CCNY: variants seen among roughly 807,000 people sequenced by gnomAD.
CCNY encodes cyclin Y.
A neutral mutation model predicts 42.8 loss-of-function variants in CCNY; 19 were observed. That is an observed-to-expected ratio of 0.44 (90% CI 0.31 to 0.65). CCNY has a LOEUF of 0.65. Ranked by LOEUF, CCNY falls within the 30% of genes least tolerant of loss-of-function variation. CCNY has a pLI of 0.07. For synonymous variants in CCNY, 165 were observed against 162.7 expected, an observed-to-expected ratio of 1.01 and a Z score of -0.11; for missense variants, 370 against 437.3, an observed-to-expected ratio of 0.85 and a Z score of 1.37.
rs1234040885 is a variant in CCNY, at chr10:35,336,546, C to T, written c.-508C>T. 3.4e-5 allele frequency: 5 copies of T among 148,792 alleles called. No homozygotes were observed. The highest frequency in any genetic ancestry group is 1.3e-4 in the Admixed American group (2 of 15,004). The allele number at this position is 148,792 out of a possible 1,614,324, so 9.2% of individuals were successfully genotyped here. A position where few individuals can be genotyped will look rare whatever the true frequency, so the allele number is the denominator to read the frequency against. ...CGCGCCGCACCGCGCCGCGAGGAGT[C>T]CGGGGGCTGCGCCCACGCCCGCTGC... On this transcript the variant is annotated 5_prime_UTR_variant, in exon 1 of 10. Transcript: ENST00000374704.
At chr10:35,316,892 C>T (rs894767390) in intron 3 of CCNY, among the ~76,000 whole-genome samples, 2 of 152,100 alleles carry the variant, frequency 1.3e-5, no homozygotes, top group Non-Finnish European at 1.5e-5. Context: ...GTTGCCCAGG[C>T]TGGAGTGCAG....
At chr10:35,467,911 T>G (rs1231568591) in intron 1 of CCNY, among the ~76,000 whole-genome samples, 2 of 152,254 alleles carry the variant, frequency 1.3e-5, no homozygotes, top group Non-Finnish European at 2.9e-5. Context: ...TGCTCCATTC[T>G]AAGTGATTTC....
At chr10:35,372,787 C>A (rs1836966172) in intron 1 of CCNY, among the ~76,000 whole-genome samples, 1 of 152,222 alleles carries the variant, frequency 6.6e-6, no homozygotes, top group Admixed American at 6.5e-5. Flanking sequence ...GCAACCTCCA[C>A]CTCCTGGGTT....
Position 35,293,530 on chromosome 10 carries a change from C to T in CCNY, c.-9+42904C>T, listed in dbSNP as rs367837202. Among the ~76,000 whole-genome samples, 52 of 152,282 alleles carry T rather than the reference C, an allele frequency of 3.4e-4. 1 individual carries two copies. The highest frequency in any genetic ancestry group is 1.3e-3 in the African/African-American group (52 of 41,562). On this transcript the variant is annotated intron_variant, in intron 3 of 11. Coordinates refer to the CCNY transcript ENST00000374706. ...AGCTGGAATTTTGGTAATGAATGCA[C>T]TGAATCTGTAGGTCAACTTGGGGGT...
At chr10:35,437,204 G>A (rs764008344) in intron 1 of CCNY, among the ~76,000 whole-genome samples, 2 of 152,200 alleles carry the variant, frequency 1.3e-5, no homozygotes, top group Non-Finnish European at 2.9e-5. Context: ...GGGACACAGA[G>A]CCAAATCATA....
intron 1 of CCNY, among the ~76,000 whole-genome samples, chr10:35,397,927 T>C (rs758387767): frequency 5.9e-5 from 9 of 152,138 alleles, no homozygotes; most frequent in Non-Finnish European, 1.2e-4. Context: ...TGGTGCAATA[T>C]AGGCAGGACT....
At chr10:35,255,962 T>C (rs890220740) in intron 3 of CCNY, among the ~76,000 whole-genome samples, 6 of 152,222 alleles carry the variant, frequency 3.9e-5, no homozygotes, top group South Asian at 2.1e-4. Flanking sequence ...TCTTTGTCAA[T>C]TGTAACTTTA....
At chr10:35,258,891 G>A (rs1681062621) in intron 3 of CCNY, among the ~76,000 whole-genome samples, 1 of 149,962 alleles carries the variant, frequency 6.7e-6, no homozygotes, top group Non-Finnish European at 1.5e-5. Flanking sequence ...AGCCGAGATC[G>A]AGCCACTGCA....
chr10:35,428,265 C>T (rs904396380), intron 1 of CCNY, among the ~76,000 whole-genome samples: 13 of 152,150 alleles, frequency 8.5e-5, no homozygotes, highest in African/African-American at 2.7e-4. Flanking sequence ...TTGCCTAAAA[C>T]AGAGAGAACC....
chr10:35,392,757 G>A (rs139480278), intron 1 of CCNY, among the ~76,000 whole-genome samples: 1 of 152,320 alleles, frequency 6.6e-6, no homozygotes, highest in African/African-American at 2.4e-5. Flanking sequence ...ATGACCAGGT[G>A]ACAGGACTGG....
At chr10:35,450,310 G>T (rs1018082645) in intron 1 of CCNY, among the ~76,000 whole-genome samples, 1 of 152,112 alleles carries the variant, frequency 6.6e-6, no homozygotes, top group Non-Finnish European at 1.5e-5. Flanking sequence ...CTTACAGGGA[G>T]AGGGTGGAGG....
chr10:35,372,018 G>C (rs2474525), intron 1 of CCNY, among the ~76,000 whole-genome samples: 4,785 of 152,312 alleles, frequency 0.031, 90 homozygotes, highest in African/African-American at 0.039. Context: ...AACAAGGGCA[G>C]ACCACTCCTG....
Position 35,530,346 on chromosome 10 carries a change from G to T in CCNY, c.579+103G>T. ...GGTTGGAGCAGGGAATCCTCACCAG[G>T]TTACCCTGTGGACACCGTGGCATAA... On this transcript the variant is annotated intron_variant, in intron 7 of 9. Transcript: ENST00000374704. The surrounding 1 kb of genome is among the most constrained non-coding windows in gnomAD (Gnocchi z 4.3). The T allele has an allele frequency of 2.8e-6, 4 of 1,436,106 alleles. No homozygotes were observed. The highest frequency in any genetic ancestry group is 2.4e-5 in the South Asian group (2 of 83,506). The allele number at this position is 1,436,106 out of a possible 1,614,324, so 89.0% of individuals were successfully genotyped here.
At chr10:35,448,372 C>A (rs766095598) in intron 1 of CCNY, among the ~76,000 whole-genome samples, 1 of 152,116 alleles carries the variant, frequency 6.6e-6, no homozygotes, top group Admixed American at 6.5e-5. Flanking sequence ...AGTTGGAATG[C>A]GAATTCCCAT....
chr10:35,320,148 A>C (rs1004784268), intron 3 of CCNY, among the ~76,000 whole-genome samples: 1 of 152,186 alleles, frequency 6.6e-6, no homozygotes, highest in African/African-American at 2.4e-5. Flanking sequence ...GTCTGAGCCC[A>C]GACAATGACA....
rs1484815203 is a variant in CCNY at position 35,422,041 on chromosome 10, G to A, written c.155-61363G>A. Among the ~76,000 whole-genome samples, 3 of 152,096 alleles carry A rather than the reference G, an allele frequency of 2.0e-5. No individual in the cohort carries two copies. In the East Asian group the frequency reaches 5.8e-4, roughly 29 times the overall value. Reference sequence around the variant, plus strand: ...GTCAGGGTTGAAGTCAGAAAAGCTGGCTCCTGAGCCTGCACTCTTAAATGC... The same window carrying A: ...GTCAGGGTTGAAGTCAGAAAAGCTGACTCCTGAGCCTGCACTCTTAAATGC... On this transcript the variant is annotated intron_variant, in intron 1 of 9. Coordinates refer to ENST00000374704, the MANE Select transcript of CCNY (RefSeq NM_145012.6).
intron 1 of CCNY, among the ~76,000 whole-genome samples, chr10:35,478,840 G>A (rs959380369): frequency 6.6e-6 from 1 of 152,168 alleles, no homozygotes; most frequent in Admixed American, 6.5e-5. Flanking sequence ...ACTACCATCA[G>A]AGTGAACAGG....
At chr10:35,331,891 A>T (rs1293178103), upstream of CCNY, among the ~76,000 whole-genome samples, 2 of 152,140 alleles carry the variant, frequency 1.3e-5, no homozygotes, top group African/African-American at 4.8e-5. Flanking sequence ...TCATTGCTGG[A>T]AACTTGTTCT....
intron 1 of CCNY, among the ~76,000 whole-genome samples, chr10:35,426,111 G>GCA (rs1055933724): frequency 0.012 from 1,004 of 80,424 alleles, 14 homozygotes; most frequent in African/African-American, 0.041. Flanking sequence ...TCCAGCACGC[G>GCA]CACACACACA....
Sources: gnomAD v4.1 joint callset for allele counts (sites outside exome capture counted in the v4.1 genomes callset) on GRCh38, gnomAD v4.1.1 for gene constraint, Gnocchi (gnomAD v3.1) non-coding constraint, MANE v1.5 for transcripts, NCBI Gene and HGNC (gene_info 2026-07-23, HGNC 2026-07-21) for gene names.